The following MALRD1 variants were observed in gnomAD, a reference collection of about 807,000 sequenced individuals.
MALRD1 encodes the protein MAM and LDL-receptor class A domain-containing protein 1.
In MALRD1, 247 loss-of-function variants were observed where a neutral mutation model predicts 242.1. The ratio of observed to expected loss-of-function variants is 1.02; its 90% CI spans 0.92 to 1.13. The LOEUF is 1.13. Ranked by LOEUF, MALRD1 falls within the 50% of genes most tolerant of loss-of-function variation. The pLI is 0.00. For synonymous variants in MALRD1, 995 were observed against 866.6 expected, an observed-to-expected ratio of 1.15 and a Z score of -2.60; for missense variants, 2,989 against 2,533.1, an observed-to-expected ratio of 1.18 and a Z score of -3.86.
intron 33 of MALRD1, among the ~76,000 whole-genome samples, chr10:19,573,418 A>T (rs574451532): frequency 1.3e-5 from 2 of 152,128 alleles, no homozygotes; most frequent in Non-Finnish European, 2.9e-5. Context: ...GGCAGAAGAG[A>T]CAGCAAGGAA....
chr10:19,249,413 T>G (rs1323932527), intron 18 of MALRD1, among the ~76,000 whole-genome samples: 1 of 148,838 alleles, frequency 6.7e-6, no homozygotes. Flanking sequence ...TTGGCACATG[T>G]TTTTTTTTTG....
intron 14 of MALRD1, among the ~76,000 whole-genome samples, chr10:19,195,596 A>C (rs1034059769): frequency 2.0e-5 from 3 of 152,202 alleles, no homozygotes; most frequent in African/African-American, 7.2e-5. Context: ...ACTTTCCTCC[A>C]AACACAGTCT....
At chr10:19,264,564 C>T (rs1839897601) in intron 19 of MALRD1, among the ~76,000 whole-genome samples, 1 of 151,900 alleles carries the variant, frequency 6.6e-6, no homozygotes, top group African/African-American at 2.4e-5. Context: ...CGCCATTCTC[C>T]AGCCTCACCC....
chr10:19,226,004 A>G (rs1837783997), intron 18 of MALRD1, among the ~76,000 whole-genome samples: 2 of 152,194 alleles, frequency 1.3e-5, no homozygotes, highest in South Asian at 4.1e-4. Flanking sequence ...ACAGAAGTAG[A>G]TGTTTTACGT....
At chr10:19,687,943 GTTATGTTATGTTATGTTA>G (rs1182337347) in intron 36 of MALRD1, among the ~76,000 whole-genome samples, 4 of 150,308 alleles carry the variant, frequency 2.7e-5, no homozygotes, top group African/African-American at 7.4e-5. Context: ...GTTATGTTAT[GTTATGTTATGTTATGTTA>G]TGTTATGTTA....
rs1191650335 is a variant in MALRD1, at chr10:19,389,543, C to T, written c.4779C>T (p.Ala1593=). 7.1e-6 allele frequency: 11 copies of T among 1,550,720 alleles called. No individual in the cohort carries two copies. The East Asian group carries it at 2.0e-4, about 28-fold the overall frequency. ...CCATGTGGCGAGAATCCAGTGCAGC[C>T]TGCACCATGAGCTTCTGGTATTTCG... is the stretch of plus-strand genomic sequence containing the variant. The part of the protein sequence containing the change: ...RSTMWRESSA[A]CTMSFWYFVS... Residue 1593 remains alanine, a synonymous_variant, in exon 28 of 40, where the codon GCC becomes GCT. Transcript: ENST00000454679.
intron 2 of MALRD1, among the ~76,000 whole-genome samples, chr10:19,080,550 G>T (rs1835453518): frequency 6.6e-6 from 1 of 151,912 alleles, no homozygotes; most frequent in East Asian, 1.9e-4. Context: ...GGTGCTGGGA[G>T]AACTGGCTAC....
Position 19,645,949 on chromosome 10 carries a change from C to T in MALRD1, c.6137+30026C>T, listed in dbSNP as rs571267161. 3.3e-5 allele frequency among the ~76,000 whole-genome samples: 5 copies of T among 152,054 alleles called. No homozygotes were observed. The East Asian group carries it at 7.7e-4, about 24-fold the overall frequency. ...TTTTAAATAGTAAATTAAACAACAACTTGTCTGTTTTCCTACGAAAACAAA... is the reference window on the plus strand; with the variant it reads ...TTTTAAATAGTAAATTAAACAACAATTTGTCTGTTTTCCTACGAAAACAAA... On this transcript the variant is annotated intron_variant, in intron 36 of 39. Coordinates refer to ENST00000454679, the MANE Select transcript of MALRD1 (RefSeq NM_001142308.3).
At chr10:19,666,468 A>G (rs1841689765) in intron 36 of MALRD1, among the ~76,000 whole-genome samples, 1 of 152,138 alleles carries the variant, frequency 6.6e-6, no homozygotes, top group Non-Finnish European at 1.5e-5. Flanking sequence ...CCCTGTTCTT[A>G]TTCAGATTCT....
At chr10:19,052,168 A>G in intron 1 of MALRD1, 1 of 428,188 alleles carries the variant, frequency 2.3e-6, no homozygotes, top group Non-Finnish European at 4.6e-6. Context: ...ATGTCTAAAG[A>G]AAATAAACAG....
intron 28 of MALRD1, among the ~76,000 whole-genome samples, chr10:19,448,348 T>G (rs1835119453): frequency 6.6e-6 from 1 of 152,198 alleles, no homozygotes; most frequent in Non-Finnish European, 1.5e-5. Flanking sequence ...ACAAAGTTTT[T>G]CTTGTGAATC....
chr10:19,697,157 A>AAGAGAG (rs961817905), intron 38 of MALRD1, among the ~76,000 whole-genome samples: 1 of 152,014 alleles, frequency 6.6e-6, no homozygotes, highest in African/African-American at 2.4e-5. Context: ...GAGAAAGAGA[A>AAGAGAG]AGAGAGAGAG....
intron 12 of MALRD1, among the ~76,000 whole-genome samples, chr10:19,156,424 A>G (rs1394103733): frequency 6.7e-6 from 1 of 149,052 alleles, no homozygotes; most frequent in African/African-American, 2.5e-5. Context: ...ATTAAATCCT[A>G]TAAGATAGAC....
rs1364046202 is a variant in MALRD1, at chr10:19,711,057, A to G, written c.6314+18503A>G. 4 of 152,224 alleles carry G rather than the reference A, an allele frequency of 2.6e-5. No individual in the cohort carries two copies. In the East Asian group the frequency reaches 7.7e-4, roughly 29 times the overall value. The allele number at this position is 152,224 out of a possible 1,614,324, so 9.4% of individuals were successfully genotyped here. A position where few individuals can be genotyped will look rare whatever the true frequency, so the allele number is the denominator to read the frequency against. On this transcript the variant is annotated intron_variant, in intron 38 of 39. Coordinates refer to ENST00000454679, the MANE Select transcript of MALRD1 (RefSeq NM_001142308.3). ...CACTTTTGACTAGTGTGAATCAGTA[A>G]TGTTACCAAGGGGTAGAAACTTGGG...
At chr10:19,685,971 A>G (rs1293386619) in intron 36 of MALRD1, among the ~76,000 whole-genome samples, 2 of 152,160 alleles carry the variant, frequency 1.3e-5, no homozygotes, top group Non-Finnish European at 1.5e-5. Context: ...TGAGGGTCCA[A>G]TTCTGTTAGC....
At chr10:19,454,947 A>G (rs533404397) in intron 29 of MALRD1, among the ~76,000 whole-genome samples, 1 of 152,284 alleles carries the variant, frequency 6.6e-6, no homozygotes, top group Non-Finnish European at 1.5e-5. Context: ...TTCTGAATAC[A>G]TTATGGTGCT....
At chr10:19,073,234 T>G (rs1835211366) in intron 2 of MALRD1, among the ~76,000 whole-genome samples, 1 of 152,084 alleles carries the variant, frequency 6.6e-6, no homozygotes, top group Admixed American at 6.6e-5. Context: ...ATTTTTAATA[T>G]GGTAGTTGTG....
chr10:19,083,149 T>A (rs1396128649), intron 2 of MALRD1, among the ~76,000 whole-genome samples: 1 of 152,064 alleles, frequency 6.6e-6, no homozygotes, highest in Admixed American at 6.6e-5. Context: ...TATGAATGTG[T>A]GTGTGTGCAG....
At chr10:19,479,873 G>A (rs555023735) in intron 29 of MALRD1, among the ~76,000 whole-genome samples, 1 of 152,224 alleles carries the variant, frequency 6.6e-6, no homozygotes, top group South Asian at 2.1e-4. Context: ...CAGAACATGG[G>A]GGAAAGTGTG....
Sources: allele counts gnomAD v4.1 joint callset (sites outside exome capture counted in the v4.1 genomes callset), GRCh38; gene constraint gnomAD v4.1.1; transcripts MANE v1.5; gene names NCBI Gene and HGNC (gene_info 2026-07-23, HGNC 2026-07-21).